MORC1: variants seen among roughly 807,000 people sequenced by gnomAD.
The protein encoded by MORC1 is MORC family CW-type zinc finger 1.
MORC1 carries 59 observed loss-of-function variants against 134.9 expected under a neutral mutation model. That is an observed-to-expected ratio of 0.44 (90% CI 0.35 to 0.54). The LOEUF is 0.54. Among genes scored for constraint, MORC1 ranks in the 20% least tolerant of loss-of-function variants. The pLI, the probability that MORC1 is intolerant of heterozygous loss-of-function variation, is 0.00. For missense variants in MORC1, 947 were observed against 1,134.5 expected, an observed-to-expected ratio of 0.83 and a Z score of 2.37; for synonymous variants, 395 against 391.7, an observed-to-expected ratio of 1.01 and a Z score of -0.10.
intron 14 of MORC1, among the ~76,000 whole-genome samples, chr3:109,054,208 G>GAGAT (rs1949899741): frequency 2.0e-5 from 3 of 151,724 alleles, no homozygotes; most frequent in African/African-American, 7.3e-5. Flanking sequence ...TTGAACCAGG[G>GAGAT]AGATAGAGGT....
chr3:109,065,699 A>G (rs998503326), intron 9 of MORC1, among the ~76,000 whole-genome samples: 3 of 152,216 alleles, frequency 2.0e-5, no homozygotes, highest in Non-Finnish European at 2.9e-5. Context: ...AACTTGCCCC[A>G]AAAGACACAC....
intron 21 of MORC1, among the ~76,000 whole-genome samples, chr3:108,989,975 C>T (rs567412976): frequency 1.8e-4 from 27 of 152,118 alleles, no homozygotes; most frequent in Middle Eastern, 6.8e-3. Context: ...GTCATGGGGG[C>T]GGGTTTTTCC....
At chr3:108,961,531 T>C (rs116420284) in intron 27 of MORC1, among the ~76,000 whole-genome samples, 1,726 of 152,298 alleles carry the variant, frequency 0.011, 23 homozygotes, top group African/African-American at 0.039. Context: ...CCCATCTCTA[T>C]CTGCTCTGGG....
chr3:109,050,464 A>G (rs1479400756), intron 14 of MORC1, among the ~76,000 whole-genome samples: 1 of 152,088 alleles, frequency 6.6e-6, no homozygotes, highest in Non-Finnish European at 1.5e-5. Context: ...TCCTTTATAA[A>G]TACACTAATG....
intron 21 of MORC1, among the ~76,000 whole-genome samples, chr3:108,994,587 AT>A (rs1005406262): frequency 4.6e-5 from 7 of 152,124 alleles, no homozygotes; most frequent in Non-Finnish European, 8.8e-5. Context: ...TGAGAAGGGT[AT>A]ATGTTGCTTC....
At chr3:109,060,256 T>C (rs1359691212) in intron 11 of MORC1, among the ~76,000 whole-genome samples, 2 of 135,072 alleles carry the variant, frequency 1.5e-5, no homozygotes, top group Non-Finnish European at 3.3e-5. Context: ...CGAAGTGTTT[T>C]TGCAGGAAAA....
chr3:109,059,766 G>A (rs1950038169), intron 12 of MORC1, 40 bp downstream of exon 12: 1 of 1,577,116 alleles, frequency 6.3e-7, no homozygotes, highest in Non-Finnish European at 8.7e-7. Flanking sequence ...TTTTAACAGA[G>A]TACAGAGGAT....
At chr3:109,062,588 C>T (rs1809042) in intron 10 of MORC1, among the ~76,000 whole-genome samples, 146,025 of 151,884 alleles carry the variant, frequency 0.96, 70,503 homozygotes, top group East Asian at 1. Flanking sequence ...ACCCGGCTAA[C>T]TTTTTGTATT....
chr3:108,963,376 G>A (rs1947132988), intron 27 of MORC1, 38 bp downstream of exon 27: 5 of 1,543,696 alleles, frequency 3.2e-6, no homozygotes, highest in Non-Finnish European at 4.4e-6. Flanking sequence ...GTTCCATAGA[G>A]TCTACTCCTA....
chr3:108,969,971 A>G (rs994160701), intron 25 of MORC1, among the ~76,000 whole-genome samples: 3 of 152,242 alleles, frequency 2.0e-5, no homozygotes, highest in African/African-American at 4.8e-5. Context: ...AATTGTGCAG[A>G]TACAAAACTC....
intron 1 of MORC1, 95 bp from the exon 2 acceptor site, chr3:109,114,532 C>T: frequency 9.5e-7 from 1 of 1,048,704 alleles, no homozygotes; most frequent in Non-Finnish European, 1.4e-6. Context: ...TCTCCAGTTC[C>T]AGACATCTAG....
chr3:109,019,257 A>G (rs1202823706), intron 17 of MORC1: 2 of 152,160 alleles, frequency 1.3e-5, no homozygotes, highest in Non-Finnish European at 2.9e-5. Flanking sequence ...GCTGTCCACC[A>G]CATCCTGCTG....
chr3:109,069,599 C>T (rs1258743947), intron 9 of MORC1, 33 bp downstream of exon 9: 2 of 1,531,474 alleles, frequency 1.3e-6, no homozygotes. Flanking sequence ...TAAATAAAAA[C>T]TCTGTGAAGA....
intron 21 of MORC1, among the ~76,000 whole-genome samples, chr3:108,995,382 G>A (rs1247792072): frequency 6.6e-6 from 1 of 152,220 alleles, no homozygotes; most frequent in East Asian, 1.9e-4. Context: ...GTTTGGAAAT[G>A]CCTGAGACAG....
chr3:108,973,789 G>A (rs943738879), intron 24 of MORC1, among the ~76,000 whole-genome samples: 24 of 151,544 alleles, frequency 1.6e-4, no homozygotes, highest in Non-Finnish European at 8.8e-5. Context: ...TTTTAGAGAT[G>A]GGGTTTTGCC....
intron 12 of MORC1, among the ~76,000 whole-genome samples, chr3:109,057,793 A>G (rs1949995230): frequency 6.6e-6 from 1 of 152,222 alleles, no homozygotes; most frequent in Non-Finnish European, 1.5e-5. Context: ...GGTACATTGC[A>G]GCATTTTTTA....
chr3:109,093,491 C>G lies in MORC1; in HGVS notation c.634G>C (p.Glu212Gln), dbSNP rs1265384001. 16 of 1,613,946 alleles carry G rather than the reference C, an allele frequency of 9.9e-6. No homozygotes were observed. The highest frequency in any genetic ancestry group is 1.4e-5 in the Non-Finnish European group (16 of 1,179,866). Residue 212 changes from glutamate (E) to glutamine (Q), a missense_variant, in exon 8 of 28, where the codon GAG (glutamate) becomes CAG (glutamine). Coordinates refer to ENST00000232603, the MANE Select transcript of MORC1 (RefSeq NM_014429.4). ...TCTTTGTCAGTTTTAACATCCAACT[C>G]TGGTTCTCCATTAAGCAGAAGCTTC... ...NLKLLLNGEP[E>Q]LDVKTDKEDI...
At chr3:108,996,296 AC>A (rs1948223678) in intron 21 of MORC1, among the ~76,000 whole-genome samples, 1 of 151,340 alleles carries the variant, frequency 6.6e-6, no homozygotes, top group Admixed American at 6.6e-5. Flanking sequence ...GCACACACAC[AC>A]ACACACACAC....
chr3:109,025,587 TG>T (rs1949057044), intron 17 of MORC1, among the ~76,000 whole-genome samples: 1 of 151,994 alleles, frequency 6.6e-6, no homozygotes, highest in South Asian at 2.1e-4. Flanking sequence ...TTCACCATGT[TG>T]GCCAGGCTGG....
Sources: allele counts gnomAD v4.1 joint callset (sites outside exome capture counted in the v4.1 genomes callset), GRCh38; gene constraint gnomAD v4.1.1; transcripts MANE v1.5; gene names NCBI Gene and HGNC (gene_info 2026-07-23, HGNC 2026-07-21).